FGD5: variants seen among roughly 807,000 people sequenced by gnomAD.
FGD5 encodes FYVE, RhoGEF and PH domain-containing protein 5.
FGD5 carries 28 observed loss-of-function variants against 133.4 expected under a neutral mutation model. The observed-to-expected ratio is 0.21, with a 90% CI of 0.16 to 0.29. The LOEUF (loss-of-function observed/expected upper bound fraction) is 0.29. Ranked by LOEUF, FGD5 falls within the 10% of genes least tolerant of loss-of-function variation. The pLI, the probability that FGD5 is intolerant of heterozygous loss-of-function variation, is 1.00. For missense variants in FGD5, 1,858 were observed against 1,895.2 expected, an observed-to-expected ratio of 0.98 and a Z score of 0.36; for synonymous variants, 810 against 776.5, an observed-to-expected ratio of 1.04 and a Z score of -0.72.
chr3:14,898,713 T>G, intron 6 of FGD5, 26 bp from the exon 7 acceptor site: 1 of 1,557,464 alleles, frequency 6.4e-7, no homozygotes. Context: ...TCTGATAAGG[T>G]TTTTCCTTCC....
chr3:14,877,262 C>T (rs972056934), intron 2 of FGD5, among the ~76,000 whole-genome samples: 6 of 152,246 alleles, frequency 3.9e-5, no homozygotes, highest in East Asian at 1.9e-4. Context: ...CAGGCCTCCC[C>T]GTTGGCCGCC....
intron 1 of FGD5, among the ~76,000 whole-genome samples, chr3:14,839,510 C>T (rs2036877129): frequency 6.6e-6 from 1 of 152,190 alleles, no homozygotes; most frequent in Non-Finnish European, 1.5e-5. Context: ...AGATCCTGCC[C>T]CGGGGGCACA....
In FGD5 at chr3:14,819,185, G is replaced by A. The variant is rs900058765; in HGVS notation, c.114G>A (p.Arg38=). Residue 38 remains arginine, a synonymous_variant, in exon 1 of 20, where the codon CGG becomes CGA. Transcript: ENST00000285046. The surrounding 1 kb of genome is among the most constrained non-coding windows in gnomAD (Gnocchi z 4.1). ...NDSLNKCSNG[R]LPCVDRGLDE... ...GCTTGAACAAATGCAGCAACGGGCG[G>A]CTGCCCTGTGTAGACAGGGGGCTTG... The A allele has an allele frequency of 6.4e-7, 1 of 1,551,442 alleles. No homozygotes were observed. Among genetic ancestry groups the A allele is most frequent in the Non-Finnish European group, 8.7e-7 (1 of 1,146,932 alleles).
At chr3:14,928,620 C>G (rs1559510196) in intron 18 of FGD5, among the ~76,000 whole-genome samples, 1 of 152,114 alleles carries the variant, frequency 6.6e-6, no homozygotes, top group Non-Finnish European at 1.5e-5. Flanking sequence ...TGGCACGCAC[C>G]TGTAGTCTCA....
chr3:14,861,593 G>A (rs895128065), intron 1 of FGD5, among the ~76,000 whole-genome samples: 1 of 152,218 alleles, frequency 6.6e-6, no homozygotes, highest in Non-Finnish European at 1.5e-5. Context: ...GTGACCTCGA[G>A]CTATCTCCTT....
chr3:14,869,371 T>C (rs1014452347), intron 2 of FGD5, among the ~76,000 whole-genome samples: 2 of 152,114 alleles, frequency 1.3e-5, no homozygotes, highest in Non-Finnish European at 2.9e-5. Flanking sequence ...GCTCCTGGGA[T>C]TGGGGGTGGG....
rs966181916 is a variant in FGD5 at position 14,934,204 on chromosome 3, C to T, written c.*1037C>T. ...GTGAATTCCTGGTCTTGGCAGATGGCTCTGGGAACAGCGAGGGAGCACAGA... is the reference window on the plus strand; with the variant it reads ...GTGAATTCCTGGTCTTGGCAGATGGTTCTGGGAACAGCGAGGGAGCACAGA... On this transcript the variant is annotated 3_prime_UTR_variant, in exon 20 of 20. Transcript: ENST00000285046. The T allele has an allele frequency of 2.0e-5, 3 of 152,184 alleles. No homozygotes were observed. The highest frequency in any genetic ancestry group is 4.4e-5 in the Non-Finnish European group (3 of 68,036). The allele number at this position is 152,184 out of a possible 1,614,324, so 9.4% of individuals were successfully genotyped here.
chr3:14,929,568 ATGT>A (rs962887083), intron 18 of FGD5, among the ~76,000 whole-genome samples: 66 of 152,314 alleles, frequency 4.3e-4, no homozygotes, highest in African/African-American at 1.5e-3. Context: ...AGGTAACTCA[ATGT>A]TGTTTTAATT....
intron 1 of FGD5, among the ~76,000 whole-genome samples, chr3:14,831,357 A>G (rs552370482): frequency 8.5e-5 from 13 of 152,250 alleles, no homozygotes; most frequent in Non-Finnish European, 1.8e-4. Flanking sequence ...GGGTAGGATC[A>G]GCAAGTAGTT....
chr3:14,904,970 T>G (rs931856155), intron 9 of FGD5, among the ~76,000 whole-genome samples: 3 of 152,116 alleles, frequency 2.0e-5, no homozygotes, highest in African/African-American at 7.2e-5. Flanking sequence ...TATTTTTATT[T>G]TATTGTATTT....
At chr3:14,838,082 GATTCCAGGCTGTGCCCATTC>G (rs1278195025) in intron 1 of FGD5, among the ~76,000 whole-genome samples, 1 of 152,206 alleles carries the variant, frequency 6.6e-6, no homozygotes. Context: ...ACTGTGGGGA[GATTCCAGGCTGTGCCCATTC>G]AGGTCACTAG....
At chr3:14,864,023 A>G (rs2037448757) in intron 1 of FGD5, 105 bp from the exon 2 acceptor site, 1 of 1,496,444 alleles carries the variant, frequency 6.7e-7, no homozygotes, top group Non-Finnish European at 9.1e-7. Flanking sequence ...CCTGAGTCTT[A>G]CTACTTGTTT....
chr3:14,836,891 G>A (rs1253148953), intron 1 of FGD5, among the ~76,000 whole-genome samples: 2 of 152,246 alleles, frequency 1.3e-5, no homozygotes, highest in African/African-American at 4.8e-5. Flanking sequence ...GGACATTTGA[G>A]CAGGGCTCAA....
chr3:14,933,088 G>T, intron 19 of FGD5, 43 bp from the exon 20 acceptor site: 1 of 1,605,012 alleles, frequency 6.2e-7, no homozygotes, highest in Non-Finnish European at 8.5e-7. Flanking sequence ...AGAGTCATAG[G>T]CAGAGCCGCA....
rs769210957 is a variant in FGD5 at position 14,819,047 on chromosome 3, C to T, written c.-25C>T. The T allele has an allele frequency of 1.3e-5, 20 of 1,523,130 alleles. No homozygotes were observed. Among genetic ancestry groups the T allele is most frequent in the Middle Eastern group, 2.4e-4 (1 of 4,252 alleles). 94.4% of individuals were successfully genotyped at this position (1,523,130 alleles called of 1,614,324 possible). A position where few individuals can be genotyped will look rare whatever the true frequency, so the allele number is the denominator to read the frequency against. ...CCAAATTCCCTTCCTCAGCCAGGCC[C>T]GAGAGTCTTCACAGTCCAAACTCCA... On this transcript the variant is annotated 5_prime_UTR_variant, in exon 1 of 20. Coordinates refer to ENST00000285046, the MANE Select transcript of FGD5 (RefSeq NM_152536.4). The surrounding 1 kb of genome is among the most constrained non-coding windows in gnomAD (Gnocchi z 4.1).
intron 11 of FGD5, among the ~76,000 whole-genome samples, chr3:14,911,767 C>T (rs939558685): frequency 2.0e-5 from 3 of 146,940 alleles, no homozygotes; most frequent in Non-Finnish European, 4.5e-5. Context: ...GAGTTATGAG[C>T]GCGATATGGA....
chr3:14,889,415 G>A (rs2037984702), intron 4 of FGD5, among the ~76,000 whole-genome samples: 1 of 152,090 alleles, frequency 6.6e-6, no homozygotes, highest in African/African-American at 2.4e-5. Flanking sequence ...GCTGTTCACG[G>A]GTATCAGTGT....
At chr3:14,848,186 G>T (rs1372399166) in intron 1 of FGD5, among the ~76,000 whole-genome samples, 2 of 152,192 alleles carry the variant, frequency 1.3e-5, no homozygotes, top group East Asian at 3.8e-4. Context: ...TGAGGGCGGT[G>T]CCTCTCTTCT....
At chr3:14,846,989 T>C (rs2037064072) in intron 1 of FGD5, among the ~76,000 whole-genome samples, 1 of 152,148 alleles carries the variant, frequency 6.6e-6, no homozygotes, top group South Asian at 2.1e-4. Context: ...TCCCCCTCCA[T>C]CCCTCTGTTT....
Sources: gnomAD v4.1 joint callset for allele counts (sites outside exome capture counted in the v4.1 genomes callset) on GRCh38, gnomAD v4.1.1 for gene constraint, Gnocchi (gnomAD v3.1) non-coding constraint, MANE v1.5 for transcripts, NCBI Gene and HGNC (gene_info 2026-07-23, HGNC 2026-07-21) for gene names.